Variants in UNG observed in about 807,000 individuals in gnomAD.
UNG encodes the protein uracil DNA glycosylase, also known as uracil-DNA glycosylase.
In UNG, 34 loss-of-function variants were observed where a neutral mutation model predicts 36.5. The ratio of observed to expected loss-of-function variants is 0.93; its 90% CI spans 0.71 to 1.24. The LOEUF (loss-of-function observed/expected upper bound fraction) is 1.24, where lower values mean the gene tolerates loss of function less well. UNG is among the 50% of genes most tolerant of loss of function. UNG has a pLI of 0.00. For missense variants in UNG, 391 were observed against 397.6 expected, an observed-to-expected ratio of 0.98 and a Z score of 0.14; for synonymous variants, 172 against 157.8, an observed-to-expected ratio of 1.09 and a Z score of -0.67.
rs759015669 is a variant in UNG, at chr12:109,103,631, T to G, written c.801+20T>G. 7.5e-7 allele frequency: 1 copy of G among 1,330,040 alleles called. No individual in the cohort carries two copies. The highest frequency in any genetic ancestry group is 1.0e-6 in the Non-Finnish European group (1 of 964,930). The allele number at this position is 1,330,040 out of a possible 1,614,324, so 82.4% of individuals were successfully genotyped here. A position where few individuals can be genotyped will look rare whatever the true frequency, so the allele number is the denominator to read the frequency against. On this transcript the variant is annotated intron_variant, in intron 6 of 6. Coordinates refer to ENST00000242576, the MANE Select transcript of UNG (RefSeq NM_080911.3). ...GATAGGGTATGTTTTGTTTTCTTTCTTTTTTTTCTTTTTTTTTTAACACTA... is the reference window on the plus strand; with the variant it reads ...GATAGGGTATGTTTTGTTTTCTTTCGTTTTTTTCTTTTTTTTTTAACACTA...
At chr12:109,098,202 T>C (rs2042146929) in intron 1 of UNG, 2 of 1,437,132 alleles carry the variant, frequency 1.4e-6, no homozygotes, top group Admixed American at 2.7e-5. Flanking sequence ...GCGACGCTCC[T>C]CGGGAAGCCA....
intron 3 of UNG, among the ~76,000 whole-genome samples, chr12:109,101,183 C>A (rs1021544130): frequency 5.8e-5 from 8 of 137,654 alleles, no homozygotes; most frequent in South Asian, 4.6e-4. Context: ...ACCTCCACCC[C>A]CTGGGTTCAA....
chr12:109,104,944 C>CT (rs1417338971), intron 6 of UNG, among the ~76,000 whole-genome samples: 1 of 152,046 alleles, frequency 6.6e-6, no homozygotes, highest in Non-Finnish European at 1.5e-5. Flanking sequence ...GAGATGGAGT[C>CT]TTTCTGTCAC....
intron 3 of UNG, 118 bp from the exon 4 acceptor site, chr12:109,101,784 C>G (rs2857244): frequency 2.4e-6 from 2 of 838,454 alleles, no homozygotes; most frequent in African/African-American, 3.4e-5. Context: ...AGCAACTCTG[C>G]TATTAGCAAT....
chr12:109,110,423 C>T lies in UNG; in HGVS notation c.*454C>T. Reference sequence around the variant, plus strand: ...TGCAGGGCAGGCATGCCAGTCTCTGCCAGTTCCACTGCCCCCTTGATCTTT... The same window carrying T: ...TGCAGGGCAGGCATGCCAGTCTCTGTCAGTTCCACTGCCCCCTTGATCTTT... On this transcript the variant is annotated 3_prime_UTR_variant, in exon 7 of 7. Coordinates refer to ENST00000242576, the MANE Select transcript of UNG (RefSeq NM_080911.3). 1 of 212,286 alleles carries T rather than the reference C, an allele frequency of 4.7e-6. No individual in the cohort carries two copies. Among genetic ancestry groups the T allele is most frequent in the Non-Finnish European group, 9.6e-6 (1 of 103,674 alleles). The allele number at this position is 212,286 out of a possible 1,614,324, so 13.2% of individuals were successfully genotyped here. A position where few individuals can be genotyped will look rare whatever the true frequency, so the allele number is the denominator to read the frequency against.
rs1010413399 is a variant in UNG, at chr12:109,102,825, T to C, written c.534-14T>C. On this transcript the variant is annotated splice_polypyrimidine_tract_variant and intron_variant, in intron 4 of 6. Coordinates refer to ENST00000242576, the MANE Select transcript of UNG (RefSeq NM_080911.3). ...AAGATTCTGTTTTTTGTTTTTCTTGTGGCTTGCTTTCAGTTTGGAGAACAT... is the reference window on the plus strand; with the variant it reads ...AAGATTCTGTTTTTTGTTTTTCTTGCGGCTTGCTTTCAGTTTGGAGAACAT... The C allele has an allele frequency of 5.0e-6, 8 of 1,604,232 alleles. No individual in the cohort carries two copies. The highest frequency in any genetic ancestry group is 6.8e-6 in the Non-Finnish European group (8 of 1,171,140).
At position 109,103,548 on chromosome 12, in the gene UNG, G is replaced by A. The variant is rs187858476; in HGVS notation, c.738G>A (p.Ser246=). ...TTGTGTCCTGGCTAAATCAGAACTC[G>A]AATGGCCTTGTTTTCTTGCTCTGGG... The part of the protein sequence containing the change: ...DAVVSWLNQN[S]NGLVFLLWGS... The change falls in exon 6 of 7, where the codon TCG becomes TCA. Residue 246 remains serine (S), a synonymous_variant. Transcript: ENST00000242576. 1.5e-5 allele frequency: 24 copies of A among 1,614,154 alleles called. No individual in the cohort carries two copies. The highest frequency in any genetic ancestry group is 8.0e-5 in the African/African-American group (6 of 75,060).
At chr12:109,098,760 C>T (rs554661448) in intron 2 of UNG, 122 bp downstream of exon 2, 43 of 1,286,312 alleles carry the variant, frequency 3.3e-5, no homozygotes, top group Admixed American at 1.1e-4. Context: ...CTTCAACCTC[C>T]TTTACTCACA....
At chr12:109,098,920 T>G (rs2042155887) in intron 2 of UNG, among the ~76,000 whole-genome samples, 1 of 152,204 alleles carries the variant, frequency 6.6e-6, no homozygotes, top group East Asian at 1.9e-4. Context: ...CCAACCATCC[T>G]GAATGAAACC....
At position 109,102,946 on chromosome 12, in the gene UNG, GA is replaced by G; in HGVS notation, c.622+20del. 3.2e-5 allele frequency: 29 copies of G among 917,652 alleles called. No individual in the cohort carries two copies. The highest frequency in any genetic ancestry group is 4.2e-5 in the Non-Finnish European group (25 of 598,256). The allele number at this position is 917,652 out of a possible 1,614,324, so 56.8% of individuals were successfully genotyped here. On this transcript the variant is annotated intron_variant, in intron 5 of 6. Transcript: ENST00000242576. ...AAGCAAGGTAAGCCAGCGACTGCTAGATTTTTTTTTTTTTTTTTTTTTTGAG... is the reference window on the plus strand; with the variant it reads ...AAGCAAGGTAAGCCAGCGACTGCTAGTTTTTTTTTTTTTTTTTTTTTTGAG...
At chr12:109,098,363 C>G (rs1247316219) in intron 1 of UNG, 69 bp from the exon 2 acceptor site, 5 of 1,602,382 alleles carry the variant, frequency 3.1e-6, no homozygotes, top group Non-Finnish European at 4.3e-6. Flanking sequence ...GGGGTTGGGC[C>G]GGAAGCTGCG....
At chr12:109,107,698 T>C (rs1209178825) in intron 6 of UNG, among the ~76,000 whole-genome samples, 1 of 151,898 alleles carries the variant, frequency 6.6e-6, no homozygotes, top group African/African-American at 2.4e-5. Context: ...GCTAATTTTG[T>C]ATTTTTAGTA....
At chr12:109,106,877 A>ATACATATATATACACATATATATATACG (rs2042218569) in intron 6 of UNG, among the ~76,000 whole-genome samples, 1 of 35,126 alleles carries the variant, frequency 2.8e-5, no homozygotes, top group Non-Finnish European at 7.9e-5. Context: ...AAAAAAAAAC[A>ATACATATATATACACATATATATATACG]TATATATATA....
chr12:109,101,550 T>TA lies in UNG; in HGVS notation c.436-342dup, dbSNP rs1372128456. Among the ~76,000 whole-genome samples the TA allele has an allele frequency of 1.7e-3, 252 of 149,042 alleles. 1 individual carries two copies. Among genetic ancestry groups the TA allele is most frequent in the South Asian group, 0.013 (63 of 4,698 alleles). On this transcript the variant is annotated intron_variant, in intron 3 of 6. Transcript: ENST00000242576. ...AGGGAGGCCGTGTGTCTACAAAAAG[T>TA]AAAAAAAAAATTAGGTGGGCATAGT... is the stretch of plus-strand genomic sequence containing the variant.
chr12:109,098,203 C>T (rs2042146955), intron 1 of UNG: 4 of 1,439,024 alleles, frequency 2.8e-6, no homozygotes, highest in Admixed American at 5.5e-5. Flanking sequence ...CGACGCTCCT[C>T]GGGAAGCCAT....
Position 109,103,626 on chromosome 12 carries a change from C to T in UNG, c.801+15C>T, listed in dbSNP as rs2042195860. The T allele has an allele frequency of 6.3e-7, 1 of 1,588,288 alleles. No homozygotes were observed. Among genetic ancestry groups the T allele is most frequent in the African/African-American group, 1.4e-5 (1 of 74,066 alleles). ...CCATTGATAGGGTATGTTTTGTTTTCTTTCTTTTTTTTCTTTTTTTTTTAA... is the reference window on the plus strand; with the variant it reads ...CCATTGATAGGGTATGTTTTGTTTTTTTTCTTTTTTTTCTTTTTTTTTTAA... On this transcript the variant is annotated intron_variant, in intron 6 of 6. Transcript: ENST00000242576.
chr12:109,098,554 C>G lies in UNG; in HGVS notation c.255C>G (p.Leu85=). The change falls in exon 2 of 7, where the codon CTC becomes CTG. Residue 85 remains leucine, a synonymous_variant. Transcript: ENST00000242576. Reference sequence around the variant, plus strand: ...ACAAGGCCGCGGCCCTGCTCAGACTCGCGGCCCGCAACGTGCCCGTGGGCT... The same window carrying G: ...ACAAGGCCGCGGCCCTGCTCAGACTGGCGGCCCGCAACGTGCCCGTGGGCT... ...QRNKAAALLR[L]AARNVPVGFG... The G allele has an allele frequency of 6.2e-7, 1 of 1,613,200 alleles. No individual in the cohort carries two copies. The highest frequency in any genetic ancestry group is 8.5e-7 in the Non-Finnish European group (1 of 1,179,970).
chr12:109,102,085 G>A (rs933503154), intron 4 of UNG, 86 bp downstream of exon 4: 21 of 1,231,388 alleles, frequency 1.7e-5, no homozygotes, highest in Admixed American at 5.4e-5. Context: ...ACTATCTGGG[G>A]CACTGTTCAC....
At chr12:109,109,445 G>A (rs1325219309) in intron 6 of UNG, among the ~76,000 whole-genome samples, 9 of 150,862 alleles carry the variant, frequency 6.0e-5, no homozygotes, top group African/African-American at 2.2e-4. Context: ...ATCGCACAGG[G>A]TCTTAAAGTG....
Sources: allele counts gnomAD v4.1 joint callset (sites outside exome capture counted in the v4.1 genomes callset), GRCh38; gene constraint gnomAD v4.1.1; transcripts MANE v1.5; gene names NCBI Gene and HGNC (gene_info 2026-07-23, HGNC 2026-07-21).